Variants in ZNF804B observed in about 807,000 individuals in gnomAD.
ZNF804B encodes zinc finger 804B.
In ZNF804B, 80 loss-of-function variants were observed where a neutral mutation model predicts 101.4. The observed-to-expected ratio is 0.79, with a 90% CI of 0.66 to 0.95. The LOEUF (loss-of-function observed/expected upper bound fraction) is 0.95, where lower values mean the gene tolerates loss of function less well. ZNF804B is among the 40% of genes least tolerant of loss of function. ZNF804B has a pLI of 0.00. For synonymous variants in ZNF804B, 622 were observed against 558.8 expected, an observed-to-expected ratio of 1.11 and a Z score of -1.59; for missense variants, 1,673 against 1,561.9, an observed-to-expected ratio of 1.07 and a Z score of -1.20.
At chr7:88,847,495 AT>A (rs1003134835) in intron 1 of ZNF804B, among the ~76,000 whole-genome samples, 17 of 152,198 alleles carry the variant, frequency 1.1e-4, no homozygotes, top group African/African-American at 3.9e-4. Context: ...ATAAAAGGAA[AT>A]TTTTAATAAA....
chr7:88,879,932 A>G (rs1424504330), intron 1 of ZNF804B, among the ~76,000 whole-genome samples: 1 of 151,960 alleles, frequency 6.6e-6, no homozygotes, highest in East Asian at 1.9e-4. Context: ...CGAGCTATGC[A>G]GGAGACTGAG....
At chr7:89,013,533 A>G (rs544668086) in intron 1 of ZNF804B, among the ~76,000 whole-genome samples, 304 of 152,268 alleles carry the variant, frequency 2.0e-3, no homozygotes, top group Non-Finnish European at 3.0e-3. Context: ...ATAATTGTGC[A>G]TATTTATGGG....
At chr7:88,778,819 C>T (rs898214896) in intron 1 of ZNF804B, among the ~76,000 whole-genome samples, 1 of 152,116 alleles carries the variant, frequency 6.6e-6, no homozygotes, top group Non-Finnish European at 1.5e-5. Context: ...CTGGTGGAGC[C>T]GCCGATATGC....
At chr7:89,181,448 T>C (rs1441023128) in intron 1 of ZNF804B, among the ~76,000 whole-genome samples, 2 of 152,192 alleles carry the variant, frequency 1.3e-5, no homozygotes, top group African/African-American at 4.8e-5. Context: ...AATTATGCCT[T>C]GTGTTGCTTG....
intron 2 of ZNF804B, among the ~76,000 whole-genome samples, chr7:89,270,093 C>T (rs1254026238): frequency 1.3e-5 from 2 of 152,132 alleles, no homozygotes; most frequent in Non-Finnish European, 1.5e-5. Flanking sequence ...TCAGTTTTGG[C>T]TTTTGCTGCC....
chr7:89,166,567 C>T (rs1357460972), intron 1 of ZNF804B, among the ~76,000 whole-genome samples: 2 of 152,138 alleles, frequency 1.3e-5, no homozygotes, highest in African/African-American at 2.4e-5. Context: ...AGACTTTAAT[C>T]CATGGTACAT....
intron 1 of ZNF804B, among the ~76,000 whole-genome samples, chr7:89,141,751 G>C (rs907618321): frequency 6.6e-6 from 1 of 151,668 alleles, no homozygotes; most frequent in Non-Finnish European, 1.5e-5. Context: ...TTTAAGTAAA[G>C]AATTTTAAGT....
At chr7:89,238,503 A>G (rs60110293) in intron 2 of ZNF804B, among the ~76,000 whole-genome samples, 25,793 of 152,094 alleles carry the variant, frequency 0.17, 2,821 homozygotes, top group African/African-American at 0.3. Context: ...GTAAGAGCAA[A>G]TTTGTTTTGT....
At chr7:88,834,375 T>A (rs984972294) in intron 1 of ZNF804B, among the ~76,000 whole-genome samples, 1 of 151,860 alleles carries the variant, frequency 6.6e-6, no homozygotes, top group Non-Finnish European at 1.5e-5. Flanking sequence ...ATCACACATA[T>A]TAATTCGTGC....
At chr7:88,986,885 A>C (rs1036004366) in intron 1 of ZNF804B, among the ~76,000 whole-genome samples, 15 of 152,116 alleles carry the variant, frequency 9.9e-5, no homozygotes, top group Admixed American at 5.9e-4. Context: ...CTATTTGCCA[A>C]ATAAAGTTGT....
In ZNF804B at chr7:89,037,581, A is replaced by G. The variant is rs149686896; in HGVS notation, c.109-180574A>G. Reference sequence around the variant, plus strand: ...GTAATGCATGGATATATATATATATATATATTTTGAAATGATTACTACGAT... The same window carrying G: ...GTAATGCATGGATATATATATATATGTATATTTTGAAATGATTACTACGAT... On this transcript the variant is annotated intron_variant, in intron 1 of 3. Coordinates refer to ENST00000333190, the MANE Select transcript of ZNF804B (RefSeq NM_181646.5). 7.3e-3 allele frequency among the ~76,000 whole-genome samples: 1,103 copies of G among 151,858 alleles called. 39 individuals are homozygous for G. In the East Asian group the frequency reaches 0.084, roughly 12 times the overall value.
intron 1 of ZNF804B, among the ~76,000 whole-genome samples, chr7:89,037,539 T>C (rs1788946636): frequency 6.6e-6 from 1 of 151,548 alleles, no homozygotes; most frequent in African/African-American, 2.4e-5. Flanking sequence ...AAATTGTATA[T>C]GTTTATAGTG....
At chr7:89,254,057 T>C (rs1006330216) in intron 2 of ZNF804B, among the ~76,000 whole-genome samples, 15 of 152,150 alleles carry the variant, frequency 9.9e-5, no homozygotes, top group African/African-American at 3.6e-4. Context: ...TGTTGAAACC[T>C]TCTTTTAAAA....
At chr7:89,046,296 C>T (rs573447738) in intron 1 of ZNF804B, among the ~76,000 whole-genome samples, 1 of 152,094 alleles carries the variant, frequency 6.6e-6, no homozygotes, top group East Asian at 1.9e-4. Flanking sequence ...ATAGCAGCAT[C>T]AGAATGGACT....
chr7:89,286,086 T>G (rs1047192390), intron 2 of ZNF804B, among the ~76,000 whole-genome samples: 5 of 152,178 alleles, frequency 3.3e-5, no homozygotes, highest in African/African-American at 9.7e-5. Flanking sequence ...AAAGTTCTTT[T>G]GATGTTGAAA....
At chr7:89,208,410 C>A (rs1417295226) in intron 1 of ZNF804B, among the ~76,000 whole-genome samples, 1 of 152,290 alleles carries the variant, frequency 6.6e-6, no homozygotes, top group East Asian at 1.9e-4. Context: ...AGCAACTCTG[C>A]AAAACAATCT....
At chr7:88,869,770 G>A (rs1158273799) in intron 1 of ZNF804B, among the ~76,000 whole-genome samples, 2 of 152,084 alleles carry the variant, frequency 1.3e-5, no homozygotes, top group Admixed American at 1.3e-4. Flanking sequence ...AGACTTGCAA[G>A]TATTACTGAC....
chr7:89,008,157 A>G (rs1054578685), intron 1 of ZNF804B, among the ~76,000 whole-genome samples: 1 of 152,104 alleles, frequency 6.6e-6, no homozygotes, highest in African/African-American at 2.4e-5. Flanking sequence ...ATGCCCAGTA[A>G]TTTCATTTGC....
At chr7:89,112,881 A>C (rs1790242382) in intron 1 of ZNF804B, among the ~76,000 whole-genome samples, 1 of 152,224 alleles carries the variant, frequency 6.6e-6, no homozygotes, top group Non-Finnish European at 1.5e-5. Context: ...ATGATAAATT[A>C]GATGTTAGAT....
Sources: allele counts gnomAD v4.1 joint callset (sites outside exome capture counted in the v4.1 genomes callset), GRCh38; gene constraint gnomAD v4.1.1; transcripts MANE v1.5; gene names NCBI Gene and HGNC (gene_info 2026-07-23, HGNC 2026-07-21).